The following RTL4 variants were observed in gnomAD, a reference collection of about 807,000 sequenced individuals.
RTL4 encodes the protein retrotransposon Gag-like protein 4.
A neutral mutation model predicts 5.3 loss-of-function variants in RTL4; 4 were observed. That is an observed-to-expected ratio of 0.75 (90% CI 0.37 to 1.72). The LOEUF (loss-of-function observed/expected upper bound fraction) is 1.72, where lower values mean the gene tolerates loss of function less well. RTL4 is among the 40% of genes most tolerant of loss of function. The pLI is 0.04. For synonymous variants in RTL4, 98 were observed against 87.3 expected, an observed-to-expected ratio of 1.12 and a Z score of -0.68; for missense variants, 260 against 227.1, an observed-to-expected ratio of 1.14 and a Z score of -0.93.
the RTL4 span, among the ~76,000 whole-genome samples, chrX:112,305,176 T>G: frequency 9.8e-6 from 1 of 102,403 alleles, no homozygotes; most frequent in Non-Finnish European, 1.9e-5. Flanking sequence ...GTGTTTTTTT[T>G]GTCTTTTTTT....
At chrX:112,339,178 A>T in the RTL4 span, among the ~76,000 whole-genome samples, 2 of 112,081 alleles carry the variant, frequency 1.8e-5, no homozygotes, top group African/African-American at 6.5e-5. Flanking sequence ...AAAGAGAAAG[A>T]GTTCTGTTGG....
the RTL4 span, among the ~76,000 whole-genome samples, chrX:112,318,407 C>T: frequency 8.9e-6 from 1 of 111,775 alleles, no homozygotes; most frequent in South Asian, 3.8e-4. Context: ...TTCATGTATT[C>T]CCCGCTATCT....
chrX:112,306,189 A>G, the RTL4 span, among the ~76,000 whole-genome samples: 1 of 111,483 alleles, frequency 9.0e-6, no homozygotes, highest in Non-Finnish European at 1.9e-5. Flanking sequence ...CCATTTCTAT[A>G]TCTCGCCCCA....
the RTL4 span, chrX:112,381,520 G>C: frequency 1.7e-6 from 2 of 1,191,589 alleles, no homozygotes; most frequent in Non-Finnish European, 2.3e-6. Flanking sequence ...TGGAATACCT[G>C]ACTAACAAAA....
chrX:112,174,925 G>C, the RTL4 span, among the ~76,000 whole-genome samples: 2 of 40,543 alleles, frequency 4.9e-5, no homozygotes, highest in Admixed American at 8.0e-4. Context: ...TTTTTGATGG[G>C]GTTGTTTTTT....
At chrX:112,084,507 G>GA in the RTL4 span, among the ~76,000 whole-genome samples, 163 of 104,223 alleles carry the variant, frequency 1.6e-3, no homozygotes, top group African/African-American at 3.5e-3. Context: ...GAGGGTCGCT[G>GA]AAAAAAAAAA....
chrX:112,179,311 C>A, the RTL4 span, among the ~76,000 whole-genome samples: 7 of 109,163 alleles, frequency 6.4e-5, no homozygotes, highest in Admixed American at 2.0e-4. Context: ...ATGTTAAGGG[C>A]AAAACCATTT....
At chrX:112,328,752 T>G in the RTL4 span, among the ~76,000 whole-genome samples, 11 of 111,619 alleles carry the variant, frequency 9.9e-5, no homozygotes, top group East Asian at 2.5e-3. Flanking sequence ...GACCACATAC[T>G]TGGAAGTAAA....
At chrX:112,415,455 G>A in the RTL4 span, among the ~76,000 whole-genome samples, 2 of 110,992 alleles carry the variant, frequency 1.8e-5, no homozygotes, top group East Asian at 5.6e-4. Context: ...TCATTTTACT[G>A]TAAATGGATA....
the RTL4 span, among the ~76,000 whole-genome samples, chrX:112,212,999 C>A: frequency 8.9e-6 from 1 of 111,863 alleles, no homozygotes; most frequent in Non-Finnish European, 1.9e-5. Context: ...GATATACTTG[C>A]GTGTTATGGG....
At chrX:112,316,077 C>T in the RTL4 span, among the ~76,000 whole-genome samples, 1 of 112,130 alleles carries the variant, frequency 8.9e-6, no homozygotes, top group Admixed American at 9.5e-5. Flanking sequence ...GGGTTTGTTT[C>T]TCTTTTCCTT....
chrX:112,430,832 A>G, the RTL4 span, among the ~76,000 whole-genome samples: 1 of 111,853 alleles, frequency 8.9e-6, no homozygotes, highest in South Asian at 3.7e-4. Flanking sequence ...GACTCAAACA[A>G]TCCACCTGCC....
At chrX:112,350,528 G>T in the RTL4 span, among the ~76,000 whole-genome samples, 1 of 111,043 alleles carries the variant, frequency 9.0e-6, no homozygotes, top group East Asian at 2.8e-4. Context: ...ATTGATTATT[G>T]CCACAATTTC....
chrX:112,235,408 T>C, the RTL4 span, among the ~76,000 whole-genome samples: 1 of 111,358 alleles, frequency 9.0e-6, no homozygotes, highest in African/African-American at 3.3e-5. Flanking sequence ...CAGAATGCCT[T>C]TGTGCTTTAT....
At chrX:112,245,041 A>G in the RTL4 span, among the ~76,000 whole-genome samples, 1 of 112,333 alleles carries the variant, frequency 8.9e-6, no homozygotes, top group African/African-American at 3.2e-5. Flanking sequence ...CTTCTGGCTT[A>G]TAGAGTTTCT....
At chrX:112,262,241 T>A in the RTL4 span, among the ~76,000 whole-genome samples, 1 of 111,645 alleles carries the variant, frequency 9.0e-6, no homozygotes, top group African/African-American at 3.3e-5. Flanking sequence ...GAAACTACCA[T>A]CAGAGTGAAC....
the RTL4 span, among the ~76,000 whole-genome samples, chrX:112,330,633 C>G: frequency 9.0e-6 from 1 of 111,087 alleles, no homozygotes; most frequent in Middle Eastern, 4.6e-3. Flanking sequence ...CAAAGACTTT[C>G]TTCACAGAAT....
At chrX:112,357,553 C>A in the RTL4 span, among the ~76,000 whole-genome samples, 2 of 111,800 alleles carry the variant, frequency 1.8e-5, no homozygotes, top group South Asian at 7.3e-4. Flanking sequence ...AAAGATCAAA[C>A]CAAAACAAAA....
the RTL4 span, among the ~76,000 whole-genome samples, chrX:112,277,603 G>A: frequency 9.0e-6 from 1 of 111,570 alleles, no homozygotes; most frequent in East Asian, 2.8e-4. Flanking sequence ...ACAATTGGAG[G>A]CAACTTGTAC....
Sources: allele counts gnomAD v4.1 joint callset (sites outside exome capture counted in the v4.1 genomes callset), GRCh38; gene constraint gnomAD v4.1.1; transcripts MANE v1.5; gene names NCBI Gene and HGNC (gene_info 2026-07-23, HGNC 2026-07-21).